PURG: variants seen among roughly 807,000 people sequenced by gnomAD.
PURG encodes the protein purine rich element binding protein G.
In PURG, 3 loss-of-function variants were observed where a neutral mutation model predicts 24.3. The observed-to-expected ratio is 0.12, with a 90% CI of 0.06 to 0.32. The LOEUF is 0.32. PURG is among the 10% of genes least tolerant of loss of function. PURG has a pLI of 1.00. For missense variants in PURG, 371 were observed against 439.1 expected (o/e 0.84, Z 1.39); for synonymous variants, 180 against 173.1 (o/e 1.04, Z -0.31).
chr8:31,008,597 T>C (rs1476712698), intron 1 of PURG, among the ~76,000 whole-genome samples: 2 of 152,228 alleles, frequency 1.3e-5, no homozygotes, highest in African/African-American at 4.8e-5. Context: ...CCACTGCACC[T>C]GGTTGCATTT....
At chr8:31,007,437 T>A (rs754333061) in intron 1 of PURG, among the ~76,000 whole-genome samples, 5 of 152,122 alleles carry the variant, frequency 3.3e-5, no homozygotes, top group Admixed American at 6.5e-5. Context: ...ACTCTTATAA[T>A]AATGTTTTCA....
At chr8:31,012,713 C>T (rs56765659) in intron 1 of PURG, among the ~76,000 whole-genome samples, 3,445 of 152,300 alleles carry the variant, frequency 0.023, 116 homozygotes, top group African/African-American at 0.076. Context: ...TCCACAGAGG[C>T]TAAATGACTT....
rs1811198024 is a variant in PURG, at chr8:31,031,350, A to G, written c.*389T>C. On this transcript the variant is annotated 3_prime_UTR_variant, in exon 2 of 2. Transcript: ENST00000523392. Reference sequence around the variant, plus strand: ...TAAGCTTAGCAGCTTTTAATGAAGTAGAATTGAAATACTTTTGGGGGAAAG... The same window carrying G: ...TAAGCTTAGCAGCTTTTAATGAAGTGGAATTGAAATACTTTTGGGGGAAAG... The G allele has an allele frequency of 5.8e-6, 1 of 172,584 alleles. No individual in the cohort carries two copies. Among genetic ancestry groups the G allele is most frequent in the South Asian group, 1.5e-4 (1 of 6,812 alleles). 10.7% of individuals were successfully genotyped at this position (172,584 alleles called of 1,614,324 possible). A position where few individuals can be genotyped will look rare whatever the true frequency, so the allele number is the denominator to read the frequency against.
downstream of PURG, among the ~76,000 whole-genome samples, chr8:31,026,659 T>TATATATAC (rs1554513481): frequency 2.5e-3 from 353 of 143,702 alleles, 3 homozygotes; most frequent in South Asian, 0.014. Context: ...TATATATATA[T>TATATATAC]ATACATACAC....
chr8:31,011,638 TAATC>T (rs1399570463), intron 1 of PURG, among the ~76,000 whole-genome samples: 2 of 152,146 alleles, frequency 1.3e-5, no homozygotes, highest in African/African-American at 2.4e-5. Flanking sequence ...ACATGGCAGA[TAATC>T]AAATAAATAT....
At position 31,031,515 on chromosome 8, in the gene PURG, G is replaced by A. The variant is rs1811202208; in HGVS notation, c.*224C>T. 1 of 551,158 alleles carries A rather than the reference G, an allele frequency of 1.8e-6. No homozygotes were observed. The highest frequency in any genetic ancestry group is 2.9e-5 in the East Asian group (1 of 34,358). 34.1% of individuals were successfully genotyped at this position (551,158 alleles called of 1,614,324 possible). A position where few individuals can be genotyped will look rare whatever the true frequency, so the allele number is the denominator to read the frequency against. ...ACTTCAATAGTCTGGAGCAGTTGAA[G>A]CAGCTAAACTATTTAGCTCTGGGAA... On this transcript the variant is annotated 3_prime_UTR_variant, in exon 2 of 2. Coordinates refer to ENST00000523392, the MANE Select transcript of PURG (RefSeq NM_001323311.2).
rs1016102448 is a variant in PURG at position 31,031,429 on chromosome 8, A to C, written c.*310T>G. 1.4e-5 allele frequency: 4 copies of C among 289,792 alleles called. No homozygotes were observed. The highest frequency in any genetic ancestry group is 8.6e-5 in the African/African-American group (4 of 46,712). 18.0% of individuals were successfully genotyped at this position (289,792 alleles called of 1,614,324 possible). ...TTTTTCGGGATTATGTCATAGTGCA[A>C]TGTAAATCTTAGTTATGGTATTTAG... On this transcript the variant is annotated 3_prime_UTR_variant, in exon 2 of 2. Transcript: ENST00000523392.
At chr8:30,996,629 T>G (rs1457504165) in exon 2 of PURG, 4 of 1,612,056 alleles carry the variant, frequency 2.5e-6, no homozygotes, top group African/African-American at 2.7e-5. Context: ...CATGGGGCTG[T>G]TCCTTATGCT....
At chr8:31,003,359 C>T (rs2129777120) in intron 1 of PURG, among the ~76,000 whole-genome samples, 1 of 150,900 alleles carries the variant, frequency 6.6e-6, no homozygotes, top group East Asian at 2.0e-4. Flanking sequence ...ACTAATCAGG[C>T]TATATTTCTT....
At chr8:31,025,262 T>C (rs1312394349) in intron 1 of PURG, among the ~76,000 whole-genome samples, 1 of 152,000 alleles carries the variant, frequency 6.6e-6, no homozygotes, top group Non-Finnish European at 1.5e-5. Flanking sequence ...TGCTTTAGCC[T>C]AAATTTAAGC....
chr8:31,031,857 C>A lies in PURG; in HGVS notation c.926G>T (p.Arg309Met), dbSNP rs541236532. The A allele has an allele frequency of 6.2e-7, 1 of 1,609,108 alleles. No individual in the cohort carries two copies. The highest frequency in any genetic ancestry group is 2.2e-5 in the East Asian group (1 of 44,784). ...ATACTTGATAAAATTCTCCCCAAAC[C>A]TTGTCCAAGCTTTGAATGGAACAGT... ...TITVPFKAWT[R>M]FGENFIKYEE... is the part of the protein sequence containing the mutation. The change falls in exon 2 of 2, where the codon AGG (arginine) becomes ATG (methionine). Residue 309 changes from arginine (R) to methionine (M), a missense_variant. By Grantham distance (91) the Arg-to-Met change is moderately conservative. Transcript: ENST00000523392.
At chr8:31,014,753 A>G (rs972027014) in intron 1 of PURG, among the ~76,000 whole-genome samples, 1 of 152,206 alleles carries the variant, frequency 6.6e-6, no homozygotes, top group Non-Finnish European at 1.5e-5. Flanking sequence ...GTAGACAGGA[A>G]AAAGCCAAGG....
At position 31,032,815 on chromosome 8, in the gene PURG, A is replaced by G; in HGVS notation, c.-6-27T>C. 1 of 1,337,510 alleles carries G rather than the reference A, an allele frequency of 7.5e-7. No individual in the cohort carries two copies. Among genetic ancestry groups the G allele is most frequent in the South Asian group, 2.0e-5 (1 of 50,308 alleles). The allele number at this position is 1,337,510 out of a possible 1,614,324, so 82.9% of individuals were successfully genotyped here. ...TGCAAGTAACAAACAGACACACGGG[A>G]TGGGGTGGGGGAGGGGTGTTGAGAA... On this transcript the variant is annotated intron_variant, in intron 1 of 1. Transcript: ENST00000523392. The surrounding 1 kb of genome is among the most constrained non-coding windows in gnomAD (Gnocchi z 5.9).
At chr8:31,025,667 T>C (rs923294236) in intron 1 of PURG, among the ~76,000 whole-genome samples, 2 of 151,850 alleles carry the variant, frequency 1.3e-5, no homozygotes, top group African/African-American at 2.4e-5. Flanking sequence ...AATTTTTTCT[T>C]GGTGGTCAAT....
downstream of PURG, among the ~76,000 whole-genome samples, chr8:31,026,473 T>C (rs1218960345): frequency 6.6e-6 from 1 of 151,444 alleles, no homozygotes; most frequent in African/African-American, 2.4e-5. Flanking sequence ...TTCCTTGATA[T>C]TTCCTTGGTA....
intron 1 of PURG, among the ~76,000 whole-genome samples, chr8:31,023,544 CAA>C (rs78871432): frequency 1.8e-4 from 22 of 122,782 alleles, no homozygotes; most frequent in Admixed American, 4.3e-4. Flanking sequence ...GACTGCATCT[CAA>C]AAAAAAAAAA....
At chr8:31,015,575 TGAAATCC>T (rs1810846828) in intron 1 of PURG, among the ~76,000 whole-genome samples, 1 of 152,194 alleles carries the variant, frequency 6.6e-6, no homozygotes, top group South Asian at 2.1e-4. Context: ...TGTTTGGTTG[TGAAATCC>T]AGGGAGTATG....
At chr8:31,029,789 A>G (rs1241959213), downstream of PURG, among the ~76,000 whole-genome samples, 1 of 151,916 alleles carries the variant, frequency 6.6e-6, no homozygotes, top group Non-Finnish European at 1.5e-5. Flanking sequence ...TCATTCCTTC[A>G]TAGACCAAAA....
At chr8:31,002,985 ATCTTGAG>A (rs1810568872) in intron 1 of PURG, among the ~76,000 whole-genome samples, 1 of 152,200 alleles carries the variant, frequency 6.6e-6, no homozygotes, top group South Asian at 2.1e-4. Context: ...GCACTTATCA[ATCTTGAG>A]AAGATATATC....
Sources: gnomAD v4.1 joint callset for allele counts (sites outside exome capture counted in the v4.1 genomes callset) on GRCh38, gnomAD v4.1.1 for gene constraint, Gnocchi (gnomAD v3.1) non-coding constraint, MANE v1.5 for transcripts, NCBI Gene and HGNC (gene_info 2026-07-23, HGNC 2026-07-21) for gene names.